The following PHACTR2 variants were observed in gnomAD, a reference collection of about 807,000 sequenced individuals.
PHACTR2 encodes chromosome 6 open reading frame 56.
Under a neutral mutation model 76.0 loss-of-function variants are expected in PHACTR2, and 30 were observed. That is an observed-to-expected ratio of 0.39 (90% CI 0.30 to 0.54). The LOEUF (loss-of-function observed/expected upper bound fraction) is 0.54. Ranked by LOEUF, PHACTR2 falls within the 20% of genes least tolerant of loss-of-function variation. The probability of loss-of-function intolerance (pLI) is 0.61; values close to 1 mark genes in which losing one functional copy is unlikely to be tolerated. For missense variants in PHACTR2, 696 were observed against 781.1 expected, an observed-to-expected ratio of 0.89 and a Z score of 1.30; for synonymous variants, 292 against 292.5, an observed-to-expected ratio of 1.00 and a Z score of 0.02.
In PHACTR2 at chr6:143,548,070, A is replaced by G. The variant is rs1775034826; in HGVS notation, c.217+10863A>G. Among the ~76,000 whole-genome samples, 1 of 152,168 alleles carries G rather than the reference A, an allele frequency of 6.6e-6. No homozygotes were observed. The highest frequency in any genetic ancestry group is 2.1e-4 in the South Asian group (1 of 4,832). ...ATAAGAGAAGTTTATTTCTCTTATT[A>G]TGTCTCACAGTTCTGGAGGCTGGAA... is the stretch of plus-strand genomic sequence containing the variant. On this transcript the variant is annotated intron_variant, in intron 1 of 11. Transcript: ENST00000367584. This position sits in a 1 kb window ranked among gnomAD's most constrained non-coding sequence, Gnocchi z 4.5.
At chr6:143,799,990 C>T (rs1312716986) in intron 11 of PHACTR2, among the ~76,000 whole-genome samples, 1 of 152,178 alleles carries the variant, frequency 6.6e-6, no homozygotes, top group Non-Finnish European at 1.5e-5. Context: ...GTGTTAAAGT[C>T]TCCCATTATT....
Position 143,765,608 on chromosome 6 carries a change from G to GC in PHACTR2, c.1049dup (p.Leu351SerfsTer4), listed in dbSNP as rs1338848227. 2.5e-6 allele frequency: 4 copies of GC among 1,613,696 alleles called. No homozygotes were observed. The highest frequency in any genetic ancestry group is 1.3e-5 in the African/African-American group (1 of 74,848). On this transcript the variant is annotated frameshift_variant, in exon 6 of 13. Transcript: ENST00000440869. LOFTEE classifies it high-confidence loss of function. This position sits in a 1 kb window ranked among gnomAD's most constrained non-coding sequence, Gnocchi z 4.1. The stretch of plus-strand genomic sequence containing the variant: ...TGTGGCTCCAGCACCTTCTCCTCTG[G>GC]CCCCCCCTCTCCCTCTTGAGGATCA...
chr6:143,770,462 C>T (rs962968381), intron 6 of PHACTR2, among the ~76,000 whole-genome samples: 1 of 152,102 alleles, frequency 6.6e-6, no homozygotes, highest in Non-Finnish European at 1.5e-5. Context: ...TGTCTAATGC[C>T]AGTGAACTGT....
At chr6:143,588,345 G>T (rs1167165751) in intron 1 of PHACTR2, among the ~76,000 whole-genome samples, 1 of 152,158 alleles carries the variant, frequency 6.6e-6, no homozygotes, top group Non-Finnish European at 1.5e-5. Flanking sequence ...TCAAATTTTT[G>T]AGAACATTTC....
intron 9 of PHACTR2, among the ~76,000 whole-genome samples, chr6:143,781,200 A>T (rs970473000): frequency 6.6e-6 from 1 of 152,220 alleles, no homozygotes; most frequent in Non-Finnish European, 1.5e-5. Flanking sequence ...CTAAAAGTAC[A>T]ATTTTGAACA....
At position 143,733,412 on chromosome 6, in the gene PHACTR2, T is replaced by C. The variant is rs1055316537; in HGVS notation, c.215-15573T>C. Reference sequence around the variant, plus strand: ...ATGTTAAACATTCAGTAAATGTATATTGAATGAACGAATGAATGAATGAAT... The same window carrying C: ...ATGTTAAACATTCAGTAAATGTATACTGAATGAACGAATGAATGAATGAAT... On this transcript the variant is annotated intron_variant, in intron 2 of 12. Coordinates refer to ENST00000440869, the MANE Select transcript of PHACTR2 (RefSeq NM_001100164.2). This position sits in a 1 kb window ranked among gnomAD's most constrained non-coding sequence, Gnocchi z 4.0. Among the ~76,000 whole-genome samples, 10 of 152,182 alleles carry C rather than the reference T, an allele frequency of 6.6e-5. No individual in the cohort carries two copies. Among genetic ancestry groups the C allele is most frequent in the African/African-American group, 9.7e-5 (4 of 41,440 alleles).
Position 143,765,381 on chromosome 6 carries a change from T to A in PHACTR2, c.815T>A (p.Val272Glu), listed in dbSNP as rs1455002713. The A allele has an allele frequency of 6.2e-7, 1 of 1,614,190 alleles. No individual in the cohort carries two copies. The stretch of plus-strand genomic sequence containing the variant: ...ACAGTTTCTAGCAAAGCAGGGACAG[T>A]GGGGACCACCAAGGGCAAGAGAAAA... ...KETVSSKAGT[V>E]GTTKGKRKTD... is the part of the protein sequence containing the mutation. Residue 272 changes from valine to glutamate, a missense_variant, in exon 6 of 13, where the codon GTG becomes GAG. By Grantham distance (121) the Val-to-Glu change is moderately radical (BLOSUM62 -2). Coordinates refer to ENST00000440869, the MANE Select transcript of PHACTR2 (RefSeq NM_001100164.2). The surrounding 1 kb of genome is among the most constrained non-coding windows in gnomAD (Gnocchi z 4.1).
At chr6:143,727,357 C>G in intron 2 of PHACTR2, among the ~76,000 whole-genome samples, 1 of 152,014 alleles carries the variant, frequency 6.6e-6, no homozygotes, top group East Asian at 1.9e-4. Context: ...ATCCATTCAT[C>G]TTTGATGGAC....
rs985385975 is a variant in PHACTR2 at position 143,700,825 on chromosome 6, C to T, written c.47-11191C>T. Among the ~76,000 whole-genome samples the T allele has an allele frequency of 1.1e-4, 17 of 152,142 alleles. No homozygotes were observed. Among genetic ancestry groups the T allele is most frequent in the African/African-American group, 3.6e-4 (15 of 41,424 alleles). On this transcript the variant is annotated intron_variant, in intron 1 of 12. Coordinates refer to ENST00000440869, the MANE Select transcript of PHACTR2 (RefSeq NM_001100164.2). The surrounding 1 kb of genome is among the most constrained non-coding windows in gnomAD (Gnocchi z 4.1). ...CCATGACCTGCTCCACTTCAGACTCCGGGAGTTGTTGTATATGACTAACAT... is the reference window on the plus strand; with the variant it reads ...CCATGACCTGCTCCACTTCAGACTCTGGGAGTTGTTGTATATGACTAACAT...
rs9403510 is a variant in PHACTR2 at position 143,571,037 on chromosome 6, G to A, written c.217+33830G>A. Among the ~76,000 whole-genome samples the A allele has an allele frequency of 0.7, 106,106 of 152,044 alleles. 37,273 individuals are homozygous for A. Among genetic ancestry groups the A allele is most frequent in the Middle Eastern group, 0.76 (222 of 294 alleles). ...TTTAACTTTTAGCTGCTGCAAAACT[G>A]GTACATGGAGTTCTCGTATACTCTT... On this transcript the variant is annotated intron_variant, in intron 1 of 11. Coordinates refer to the PHACTR2 transcript ENST00000367584. This position sits in a 1 kb window ranked among gnomAD's most constrained non-coding sequence, Gnocchi z 4.6.
rs1779280755 is a variant in PHACTR2, at chr6:143,755,647, T to C, written c.454+1735T>C. 4.2e-6 allele frequency: 1 copy of C among 237,768 alleles called. No individual in the cohort carries two copies. The highest frequency in any genetic ancestry group is 1.0e-4 in the East Asian group (1 of 9,628). The allele number at this position is 237,768 out of a possible 1,614,324, so 14.7% of individuals were successfully genotyped here. On this transcript the variant is annotated intron_variant, in intron 4 of 12. Coordinates refer to ENST00000440869, the MANE Select transcript of PHACTR2 (RefSeq NM_001100164.2). This position sits in a 1 kb window ranked among gnomAD's most constrained non-coding sequence, Gnocchi z 5.2. ...CCAAGAGAGCCTGTTGCTTGGCTAG[T>C]AGGTACATGAGGAAGGAGCTGGGAG...
chr6:143,759,642 AT>A (rs1284649173), intron 4 of PHACTR2, among the ~76,000 whole-genome samples: 127 of 139,406 alleles, frequency 9.1e-4, no homozygotes, highest in African/African-American at 1.4e-3. Context: ...AAAAAAAAAA[AT>A]TTTTTTTTTA....
intron 1 of PHACTR2, among the ~76,000 whole-genome samples, chr6:143,631,916 A>G (rs1776369672): frequency 6.6e-6 from 1 of 152,214 alleles, no homozygotes; most frequent in South Asian, 2.1e-4. Flanking sequence ...TTCTAGGGCT[A>G]TGACTATATC....
chr6:143,677,918 CCCCGTGA>C, upstream of PHACTR2: 1 of 832,448 alleles, frequency 1.2e-6, no homozygotes, highest in Non-Finnish European at 1.5e-6. Flanking sequence ...CCCCTTCTTC[CCCCGTGA>C]CCCCTGACCC....
intron 1 of PHACTR2, among the ~76,000 whole-genome samples, chr6:143,686,358 C>T (rs1777519735): frequency 6.6e-6 from 1 of 151,124 alleles, no homozygotes; most frequent in South Asian, 2.1e-4. Context: ...TTTTAAAAGG[C>T]AATTTTTATG....
rs1777160736 is a variant in PHACTR2 at position 143,671,963 on chromosome 6, G to T, written c.14-40053G>T. Among the ~76,000 whole-genome samples, 1 of 147,036 alleles carries T rather than the reference G, an allele frequency of 6.8e-6. No homozygotes were observed. The highest frequency in any genetic ancestry group is 1.5e-5 in the Non-Finnish European group (1 of 64,826). On this transcript the variant is annotated intron_variant, in intron 1 of 11. Coordinates refer to the PHACTR2 transcript ENST00000305766. The surrounding 1 kb of genome is among the most constrained non-coding windows in gnomAD (Gnocchi z 4.6). ...TATCAAAAACATATGAAACAAGCCA[G>T]ATTAAAAAAAACTGTACATAATATT...
chr6:143,582,150 A>G (rs1775583924), intron 1 of PHACTR2, among the ~76,000 whole-genome samples: 1 of 152,240 alleles, frequency 6.6e-6, no homozygotes, highest in Admixed American at 6.5e-5. Flanking sequence ...AGCCAAACTA[A>G]TAATTGAAAG....
rs1012103537 is a variant in PHACTR2 at position 143,547,180 on chromosome 6, A to G, written c.217+9973A>G. Reference sequence around the variant, plus strand: ...TTATTAGGCAAAACAGTGTTCAACAAAAGTTTTGTGACTAAAATATGTGAC... The same window carrying G: ...TTATTAGGCAAAACAGTGTTCAACAGAAGTTTTGTGACTAAAATATGTGAC... On this transcript the variant is annotated intron_variant, in intron 1 of 11. Coordinates refer to the PHACTR2 transcript ENST00000367584. This position sits in a 1 kb window ranked among gnomAD's most constrained non-coding sequence, Gnocchi z 4.2. Among the ~76,000 whole-genome samples the G allele has an allele frequency of 6.6e-6, 1 of 152,214 alleles. No individual in the cohort carries two copies. The highest frequency in any genetic ancestry group is 1.5e-5 in the Non-Finnish European group (1 of 68,026).
rs1325605000 is a variant in PHACTR2 at position 143,539,991 on chromosome 6, G to A, written c.217+2784G>A. ...TAATGAGTAGCGAAGTTTGAGAACT[G>A]CTGTCCTGTGCCATATTATGTCACC... On this transcript the variant is annotated intron_variant, in intron 1 of 11. Transcript: ENST00000367584. The surrounding 1 kb of genome is among the most constrained non-coding windows in gnomAD (Gnocchi z 4.3). Among the ~76,000 whole-genome samples, 1 of 152,190 alleles carries A rather than the reference G, an allele frequency of 6.6e-6. No individual in the cohort carries two copies. Among genetic ancestry groups the A allele is most frequent in the Non-Finnish European group, 1.5e-5 (1 of 68,034 alleles).
Sources: allele counts gnomAD v4.1 joint callset (sites outside exome capture counted in the v4.1 genomes callset), GRCh38; gene constraint gnomAD v4.1.1; non-coding constraint Gnocchi (gnomAD v3.1); transcripts MANE v1.5; gene names NCBI Gene and HGNC (gene_info 2026-07-23, HGNC 2026-07-21).